Variants in RAB38 observed in about 807,000 individuals in gnomAD.
The protein encoded by RAB38 is ras-related protein Rab-38.
A neutral mutation model predicts 18.4 loss-of-function variants in RAB38; 15 were observed. The observed-to-expected ratio is 0.82, with a 90% CI of 0.55 to 1.26. The LOEUF is 1.26. Ranked by LOEUF, RAB38 falls within the 50% of genes most tolerant of loss-of-function variation. The probability of loss-of-function intolerance (pLI) is 0.00; values close to 1 mark genes in which losing one functional copy is unlikely to be tolerated. For missense variants in RAB38, 294 were observed against 267.4 expected (o/e 1.10, Z -0.69); for synonymous variants, 101 against 104.4 (o/e 0.97, Z 0.20).
chr11:87,950,315 C>T, the RAB38 span, among the ~76,000 whole-genome samples: 1 of 152,130 alleles, frequency 6.6e-6, no homozygotes, highest in African/African-American at 2.4e-5. Flanking sequence ...GAATACAGCA[C>T]ACTGATGGGT....
At chr11:87,880,869 C>T in the RAB38 span, among the ~76,000 whole-genome samples, 3 of 151,892 alleles carry the variant, frequency 2.0e-5, no homozygotes, top group Non-Finnish European at 4.4e-5. Context: ...AGGACAAGCC[C>T]TTTACTTCAT....
intron 2 of RAB38, among the ~76,000 whole-genome samples, chr11:88,126,349 A>G (rs976849853): frequency 2.0e-5 from 3 of 152,178 alleles, no homozygotes; most frequent in South Asian, 4.1e-4. Flanking sequence ...GCACATATAT[A>G]CCATGGAATA....
chr11:87,949,377 G>A, the RAB38 span, among the ~76,000 whole-genome samples: 3 of 152,188 alleles, frequency 2.0e-5, no homozygotes, highest in African/African-American at 4.8e-5. Flanking sequence ...GGTTTTTTGT[G>A]TCTCTATTTC....
chr11:88,164,690 G>A (rs1943228145), intron 1 of RAB38, among the ~76,000 whole-genome samples: 2 of 152,000 alleles, frequency 1.3e-5, no homozygotes. Context: ...GCTATTTAAT[G>A]AACAGGATTG....
the RAB38 span, among the ~76,000 whole-genome samples, chr11:88,104,057 T>C: frequency 6.6e-6 from 1 of 152,078 alleles, no homozygotes; most frequent in Non-Finnish European, 1.5e-5. Flanking sequence ...AACTGAACTT[T>C]TCCCCTATCT....
At chr11:87,968,845 A>T in the RAB38 span, among the ~76,000 whole-genome samples, 3 of 152,136 alleles carry the variant, frequency 2.0e-5, no homozygotes, top group Admixed American at 2.0e-4. Context: ...AAGCTAAATA[A>T]TGTGTACACC....
At chr11:87,967,591 C>T in the RAB38 span, among the ~76,000 whole-genome samples, 1 of 152,130 alleles carries the variant, frequency 6.6e-6, no homozygotes, top group Non-Finnish European at 1.5e-5. Context: ...ATTAAGAGAA[C>T]AAAAAGCTGG....
chr11:88,013,760 G>C, the RAB38 span, among the ~76,000 whole-genome samples: 1 of 152,204 alleles, frequency 6.6e-6, no homozygotes, highest in African/African-American at 2.4e-5. Flanking sequence ...AAAGCTTCTT[G>C]CATTAACCCT....
chr11:87,869,714 A>G, the RAB38 span, among the ~76,000 whole-genome samples: 2 of 151,576 alleles, frequency 1.3e-5, no homozygotes, highest in African/African-American at 2.4e-5. Context: ...GTTTGTTTGT[A>G]TTCCCTTATG....
the RAB38 span, among the ~76,000 whole-genome samples, chr11:87,933,460 G>C: frequency 6.6e-6 from 1 of 152,054 alleles, no homozygotes; most frequent in Non-Finnish European, 1.5e-5. Flanking sequence ...GTTTAAAAAT[G>C]GGCACATGTC....
chr11:87,923,025 C>T, the RAB38 span, among the ~76,000 whole-genome samples: 98 of 151,844 alleles, frequency 6.5e-4, no homozygotes, highest in East Asian at 0.016. Context: ...ATAACTATGA[C>T]TGTTATGTAA....
chr11:87,933,973 G>A, the RAB38 span, among the ~76,000 whole-genome samples: 5,832 of 152,110 alleles, frequency 0.038, 184 homozygotes, highest in East Asian at 0.15. Context: ...TTTCTACCAC[G>A]TCTGGGTAGG....
the RAB38 span, among the ~76,000 whole-genome samples, chr11:88,061,099 A>T: frequency 6.6e-6 from 1 of 152,238 alleles, no homozygotes; most frequent in African/African-American, 2.4e-5. Flanking sequence ...ATATGATGAA[A>T]ATGTGAACAG....
the RAB38 span, among the ~76,000 whole-genome samples, chr11:88,057,503 G>T: frequency 6.6e-6 from 1 of 152,034 alleles, no homozygotes; most frequent in Admixed American, 6.5e-5. Context: ...ATCTTGTGAA[G>T]TTGCCGTGAT....
the RAB38 span, among the ~76,000 whole-genome samples, chr11:87,975,021 T>C: frequency 6.6e-6 from 1 of 151,930 alleles, no homozygotes; most frequent in African/African-American, 2.4e-5. Flanking sequence ...AAAGCCGTTC[T>C]ATGCCTCTCT....
At chr11:87,943,323 G>T in the RAB38 span, among the ~76,000 whole-genome samples, 2 of 152,036 alleles carry the variant, frequency 1.3e-5, no homozygotes, top group African/African-American at 2.4e-5. Flanking sequence ...TGGATTTGTG[G>T]GTTGATGATA....
At chr11:88,032,269 T>C in the RAB38 span, among the ~76,000 whole-genome samples, 5,086 of 152,242 alleles carry the variant, frequency 0.033, 228 homozygotes, top group South Asian at 0.075. Flanking sequence ...CCTAAAACCA[T>C]AACAACCCTA....
the RAB38 span, among the ~76,000 whole-genome samples, chr11:87,863,545 G>T: frequency 1.4e-5 from 2 of 147,738 alleles, no homozygotes; most frequent in Non-Finnish European, 3.0e-5. Flanking sequence ...AGAAATACAT[G>T]AAAACAGAAA....
At chr11:87,857,020 C>A in the RAB38 span, among the ~76,000 whole-genome samples, 10 of 152,038 alleles carry the variant, frequency 6.6e-5, no homozygotes, top group African/African-American at 1.4e-4. Flanking sequence ...CCGCTCCCCC[C>A]ACCCCACGAC....
Sources: allele counts gnomAD v4.1 joint callset (sites outside exome capture counted in the v4.1 genomes callset), GRCh38; gene constraint gnomAD v4.1.1; transcripts MANE v1.5; gene names NCBI Gene and HGNC (gene_info 2026-07-23, HGNC 2026-07-21).